NMNAT3: variants seen among roughly 807,000 people sequenced by gnomAD.
NMNAT3 encodes the protein nicotinamide nucleotide adenylyltransferase 3, also known as nicotinamide/nicotinic acid mononucleotide adenylyltransferase 3.
In NMNAT3, 21 loss-of-function variants were observed where a neutral mutation model predicts 24.8. The observed-to-expected ratio is 0.85, with a 90% confidence interval of 0.60 to 1.22. The LOEUF is 1.22. Ranked by LOEUF, NMNAT3 falls within the 50% of genes most tolerant of loss-of-function variation. NMNAT3 has a pLI of 0.00. For missense variants in NMNAT3, 387 were observed against 436.6 expected (o/e 0.89, Z 1.01); for synonymous variants, 136 against 155.2 (o/e 0.88, Z 0.92).
At chr3:139,630,894 T>A (rs1354866469) in intron 2 of NMNAT3, among the ~76,000 whole-genome samples, 2 of 152,188 alleles carry the variant, frequency 1.3e-5, no homozygotes, top group Non-Finnish European at 2.9e-5. Context: ...GTTTTTTTTT[T>A]ACAACTGTTA....
intron 4 of NMNAT3, among the ~76,000 whole-genome samples, chr3:139,581,299 G>C (rs1179370594): frequency 4.8e-5 from 1 of 20,624 alleles, no homozygotes; most frequent in African/African-American, 5.3e-5. Context: ...CAGTATATTA[G>C]ATGATATGTA....
chr3:139,575,080 T>A (rs1300887899), intron 5 of NMNAT3, among the ~76,000 whole-genome samples: 1 of 152,314 alleles, frequency 6.6e-6, no homozygotes, highest in African/African-American at 2.4e-5. Context: ...ATCATTACTC[T>A]TAGTCTATCT....
At chr3:139,665,542 C>A (rs1186349534) in intron 1 of NMNAT3, among the ~76,000 whole-genome samples, 1 of 152,162 alleles carries the variant, frequency 6.6e-6, no homozygotes, top group South Asian at 2.1e-4. Flanking sequence ...AAGAGGATGA[C>A]CATGCTGGCT....
At chr3:139,587,416 A>G (rs1028998800) in intron 3 of NMNAT3, among the ~76,000 whole-genome samples, 8 of 152,188 alleles carry the variant, frequency 5.3e-5, no homozygotes, top group African/African-American at 1.9e-4. Flanking sequence ...GGAGGCTTCA[A>G]TAGTGGAGCG....
At chr3:139,588,590 A>G (rs1253562671) in intron 3 of NMNAT3, among the ~76,000 whole-genome samples, 1 of 152,078 alleles carries the variant, frequency 6.6e-6, no homozygotes, top group African/African-American at 2.4e-5. Flanking sequence ...AGAGGCCCAG[A>G]GTGGCTCAGG....
chr3:139,600,182 T>C (rs967683307), intron 3 of NMNAT3, among the ~76,000 whole-genome samples: 40 of 152,374 alleles, frequency 2.6e-4, no homozygotes, highest in African/African-American at 9.1e-4. Flanking sequence ...ATGAGGTTTC[T>C]CTTTCTTTAT....
At chr3:139,645,535 C>T (rs2056842832) in intron 1 of NMNAT3, among the ~76,000 whole-genome samples, 1 of 152,144 alleles carries the variant, frequency 6.6e-6, no homozygotes, top group South Asian at 2.1e-4. Flanking sequence ...CAGCTACCCT[C>T]AAGATTATCT....
rs147975915 is a variant in NMNAT3 at position 139,562,127 on chromosome 3, A to G, written c.659-735T>C. Among the ~76,000 whole-genome samples, 17 of 135,968 alleles carry G rather than the reference A, an allele frequency of 1.3e-4. No individual in the cohort carries two copies. In the East Asian group the frequency reaches 3.7e-3, roughly 30 times the overall value. The allele number at this position is 135,968 out of a possible 152,430, so 89.2% of individuals were successfully genotyped here. On this transcript the variant is annotated intron_variant, in intron 6 of 6. Transcript: ENST00000643695. Reference sequence around the variant, plus strand: ...ATAATACCATATGCACCCCAGAACAATTTATGAGGTGAGTATTGTGCCCAT... The same window carrying G: ...ATAATACCATATGCACCCCAGAACAGTTTATGAGGTGAGTATTGTGCCCAT...
chr3:139,675,555 G>A (rs904426427), intron 1 of NMNAT3, among the ~76,000 whole-genome samples: 11 of 152,136 alleles, frequency 7.2e-5, no homozygotes, highest in African/African-American at 2.7e-4. Flanking sequence ...CCTTTATCAT[G>A]CAGAACACCC....
chr3:139,646,227 C>A (rs2056866649), intron 1 of NMNAT3, among the ~76,000 whole-genome samples: 1 of 152,166 alleles, frequency 6.6e-6, no homozygotes, highest in African/African-American at 2.4e-5. Context: ...AGCCAAGCAC[C>A]ACTATGTTTC....
At chr3:139,572,683 G>C (rs1254128824) in intron 6 of NMNAT3, among the ~76,000 whole-genome samples, 2 of 152,138 alleles carry the variant, frequency 1.3e-5, no homozygotes, top group Non-Finnish European at 2.9e-5. Context: ...GCTCTAGGAA[G>C]CACTAGTTCT....
chr3:139,612,981 A>G (rs956445567), intron 3 of NMNAT3, among the ~76,000 whole-genome samples: 2 of 152,198 alleles, frequency 1.3e-5, no homozygotes, highest in East Asian at 1.9e-4. Flanking sequence ...ACAAAAATCA[A>G]TTCAAGATGG....
Position 139,561,370 on chromosome 3 carries a change from G to A in NMNAT3, c.681C>T (p.Leu227=). 4 of 1,613,756 alleles carry A rather than the reference G, an allele frequency of 2.5e-6. No homozygotes were observed. Among genetic ancestry groups the A allele is most frequent in the Non-Finnish European group, 3.4e-6 (4 of 1,179,716 alleles). Residue 227 remains leucine (L), a synonymous_variant, in exon 7 of 7, where the codon CTC becomes CTT. Transcript: ENST00000643695. ...AGGTCTTCAAGACGTCTGCCCCACA[G>A]AGAAGCTTCAGCTCAGGCACAGCTG...
chr3:139,562,334 T>C (rs1194275972), intron 6 of NMNAT3, among the ~76,000 whole-genome samples: 2 of 152,168 alleles, frequency 1.3e-5, no homozygotes, highest in Non-Finnish European at 2.9e-5. Context: ...GAGAAGCCCT[T>C]CCTAGAGTTC....
rs1248306199 is a variant in NMNAT3 at position 139,627,744 on chromosome 3, C to A, written c.-20G>T. The A allele has an allele frequency of 6.6e-7, 1 of 1,513,120 alleles. No individual in the cohort carries two copies. The highest frequency in any genetic ancestry group is 8.9e-7 in the Non-Finnish European group (1 of 1,117,368). The allele number at this position is 1,513,120 out of a possible 1,614,324, so 93.7% of individuals were successfully genotyped here. A position where few individuals can be genotyped will look rare whatever the true frequency, so the allele number is the denominator to read the frequency against. On this transcript the variant is annotated 5_prime_UTR_variant, in exon 3 of 7. Transcript: ENST00000643695. Reference sequence around the variant, plus strand: ...CTTCATCTTGTCAGGCACATCCACACCTGTTGCAGTGGCCACCCTGCTTTT... The same window carrying A: ...CTTCATCTTGTCAGGCACATCCACAACTGTTGCAGTGGCCACCCTGCTTTT...
intron 3 of NMNAT3, among the ~76,000 whole-genome samples, chr3:139,619,020 T>G (rs764211704): frequency 2.0e-4 from 30 of 152,196 alleles, no homozygotes; most frequent in Non-Finnish European, 3.4e-4. Context: ...TGTGCATATA[T>G]GCTGCCTAAA....
chr3:139,605,372 C>G (rs2054897162), intron 3 of NMNAT3, among the ~76,000 whole-genome samples: 1 of 152,094 alleles, frequency 6.6e-6, no homozygotes, highest in Admixed American at 6.6e-5. Flanking sequence ...TGGGCTCCCT[C>G]AAACAGAATT....
rs909302602 is a variant in NMNAT3 at position 139,565,208 on chromosome 3, G to A, written c.659-3816C>T. Among the ~76,000 whole-genome samples, 89 of 152,188 alleles carry A rather than the reference G, an allele frequency of 5.8e-4. 1 individual carries two copies. Among genetic ancestry groups the A allele is most frequent in the African/African-American group, 2.1e-3 (88 of 41,526 alleles). On this transcript the variant is annotated intron_variant, in intron 6 of 6. Coordinates refer to ENST00000643695, the MANE Select transcript of NMNAT3 (RefSeq NM_001320510.2). ...TTCCTGCCATTGTAAAAACTGTTGTGATAAACATCTTTCTGCATAAATCTT... is the reference window on the plus strand; with the variant it reads ...TTCCTGCCATTGTAAAAACTGTTGTAATAAACATCTTTCTGCATAAATCTT...
chr3:139,615,417 T>TTCTATCTATCTA (rs145198692), intron 3 of NMNAT3, among the ~76,000 whole-genome samples: 8,807 of 140,092 alleles, frequency 0.063, 319 homozygotes, highest in Admixed American at 0.089. Context: ...CACACACATT[T>TTCTATCTATCTA]TCTATCTATC....
Sources: allele counts gnomAD v4.1 joint callset (sites outside exome capture counted in the v4.1 genomes callset), GRCh38; gene constraint gnomAD v4.1.1; transcripts MANE v1.5; gene names NCBI Gene and HGNC (gene_info 2026-07-23, HGNC 2026-07-21).